Variants in MFHAS1 observed in about 807,000 individuals in gnomAD.
The protein encoded by MFHAS1 is multifunctional ROCO family signaling regulator 1.
Under a neutral mutation model 70.4 loss-of-function variants are expected in MFHAS1, and 50 were observed. The ratio of observed to expected loss-of-function variants is 0.71; its 90% confidence interval spans 0.57 to 0.90. The LOEUF (loss-of-function observed/expected upper bound fraction) is 0.90, where lower values mean the gene tolerates loss of function less well. Ranked by LOEUF, MFHAS1 falls within the 40% of genes least tolerant of loss-of-function variation. The pLI, the probability that MFHAS1 is intolerant of heterozygous loss-of-function variation, is 0.00. For synonymous variants in MFHAS1, 952 were observed against 620.0 expected (o/e 1.54, Z -7.96); for missense variants, 1,795 against 1,347.6 (o/e 1.33, Z -5.20).
At chr8:8,884,513 T>C (rs1323307643) in intron 1 of MFHAS1, among the ~76,000 whole-genome samples, 1 of 152,204 alleles carries the variant, frequency 6.6e-6, no homozygotes, top group African/African-American at 2.4e-5. Context: ...GTGGTCAAAA[T>C]GAAGGACCCA....
Position 8,883,725 on chromosome 8 carries a change from A to G in MFHAS1, c.2998+6336T>C, listed in dbSNP as rs181052445. On this transcript the variant is annotated intron_variant, in intron 1 of 2. Coordinates refer to ENST00000276282, the MANE Select transcript of MFHAS1 (RefSeq NM_004225.3). ...TCAGTCTCAAAAAAAAAAAAAAAAA[A>G]AAAAAAGAAAGGGCTCCCATGGATA... Among the ~76,000 whole-genome samples, 919 of 149,404 alleles carry G rather than the reference A, an allele frequency of 6.2e-3. 18 individuals carry two copies. Among genetic ancestry groups the G allele is most frequent in the African/African-American group, 0.021 (867 of 40,502 alleles).
chr8:8,796,146 T>C (rs181580243), intron 2 of MFHAS1, among the ~76,000 whole-genome samples: 2 of 152,302 alleles, frequency 1.3e-5, no homozygotes, highest in East Asian at 3.9e-4. Flanking sequence ...ATGAGTGTTA[T>C]CTAGAATAGT....
intron 1 of MFHAS1, among the ~76,000 whole-genome samples, chr8:8,861,512 A>G (rs922577784): frequency 1.3e-5 from 2 of 152,260 alleles, no homozygotes; most frequent in African/African-American, 4.8e-5. Context: ...TTAGTGTGAA[A>G]ACAGCATGTT....
At chr8:8,817,839 T>C (rs561216145) in intron 1 of MFHAS1, among the ~76,000 whole-genome samples, 18 of 152,322 alleles carry the variant, frequency 1.2e-4, no homozygotes, top group Admixed American at 1.0e-3. Flanking sequence ...CCTAATGTAA[T>C]GCTGCCGCTG....
intron 1 of MFHAS1, among the ~76,000 whole-genome samples, chr8:8,847,819 C>A (rs546063514): frequency 6.6e-6 from 1 of 152,292 alleles, no homozygotes; most frequent in Admixed American, 6.5e-5. Flanking sequence ...TCAATTCATT[C>A]ATTAAGGGAT....
intron 1 of MFHAS1, among the ~76,000 whole-genome samples, chr8:8,830,003 G>C (rs995773885): frequency 6.6e-6 from 1 of 152,156 alleles, no homozygotes; most frequent in Non-Finnish European, 1.5e-5. Flanking sequence ...GCAGGTCTGG[G>C]GTGTGGCCTG....
intron 1 of MFHAS1, among the ~76,000 whole-genome samples, chr8:8,809,003 C>G (rs1806444018): frequency 1.3e-5 from 2 of 152,164 alleles, no homozygotes; most frequent in African/African-American, 2.4e-5. Flanking sequence ...GGAGCTCCAT[C>G]TCCTGTCAGA....
chr8:8,869,491 C>G (rs1211496058), intron 1 of MFHAS1, among the ~76,000 whole-genome samples: 2 of 152,064 alleles, frequency 1.3e-5, no homozygotes, highest in African/African-American at 4.8e-5. Flanking sequence ...TTCTATGAGA[C>G]CCTTCCAAAT....
chr8:8,840,461 CA>C (rs141909980), intron 1 of MFHAS1, among the ~76,000 whole-genome samples: 8,748 of 81,980 alleles, frequency 0.11, 621 homozygotes, highest in African/African-American at 0.31. Flanking sequence ...CATCTCAATA[CA>C]AAAAAAAAAA....
intron 1 of MFHAS1, among the ~76,000 whole-genome samples, chr8:8,865,947 G>A (rs916774614): frequency 2.0e-5 from 3 of 152,168 alleles, no homozygotes; most frequent in South Asian, 4.1e-4. Flanking sequence ...TTGTTCAGGC[G>A]GCTTGGCCTA....
chr8:8,855,915 C>T (rs1941141917), intron 1 of MFHAS1, among the ~76,000 whole-genome samples: 2 of 152,148 alleles, frequency 1.3e-5, no homozygotes, highest in Admixed American at 1.3e-4. Flanking sequence ...AAGCAAGTTA[C>T]TGACAAGGTA....
intron 1 of MFHAS1, among the ~76,000 whole-genome samples, chr8:8,848,380 T>G: frequency 7.1e-6 from 1 of 141,172 alleles, no homozygotes; most frequent in African/African-American, 2.6e-5. Context: ...AAAGGGCCAG[T>G]CAGGCCTAAA....
chr8:8,842,626 G>A (rs1807875280), intron 1 of MFHAS1, among the ~76,000 whole-genome samples: 1 of 152,162 alleles, frequency 6.6e-6, no homozygotes, highest in South Asian at 2.1e-4. Flanking sequence ...TGCACCAGCA[G>A]CACCGGCATC....
intron 1 of MFHAS1, among the ~76,000 whole-genome samples, chr8:8,861,498 C>A (rs191332304): frequency 6.6e-6 from 1 of 152,070 alleles, no homozygotes; most frequent in Non-Finnish European, 1.5e-5. Flanking sequence ...AGGTATATAC[C>A]AAATTAGTGT....
intron 1 of MFHAS1, among the ~76,000 whole-genome samples, chr8:8,851,815 G>A (rs1808257757): frequency 6.6e-6 from 1 of 152,188 alleles, no homozygotes; most frequent in African/African-American, 2.4e-5. Flanking sequence ...TGGAAAAAGA[G>A]GAAGTTGTGA....
chr8:8,882,389 A>AAAACAAACAAAC (rs373389563), intron 1 of MFHAS1, among the ~76,000 whole-genome samples: 1 of 151,802 alleles, frequency 6.6e-6, no homozygotes, highest in African/African-American at 2.4e-5. Context: ...ACTCAGTCTC[A>AAAACAAACAAAC]AAACAAACAA....
intron 1 of MFHAS1, among the ~76,000 whole-genome samples, chr8:8,887,286 C>T (rs1458188959): frequency 6.6e-6 from 1 of 152,190 alleles, no homozygotes; most frequent in Non-Finnish European, 1.5e-5. Context: ...TCTGTTCCCA[C>T]ATTTAGCTTT....
At chr8:8,887,304 A>T (rs1809797411) in intron 1 of MFHAS1, among the ~76,000 whole-genome samples, 2 of 152,208 alleles carry the variant, frequency 1.3e-5, no homozygotes, top group Non-Finnish European at 2.9e-5. Flanking sequence ...TTTTATTTCT[A>T]ACTCATTATT....
chr8:8,862,801 G>A (rs928342008), intron 1 of MFHAS1, among the ~76,000 whole-genome samples: 5 of 152,156 alleles, frequency 3.3e-5, no homozygotes, highest in Non-Finnish European at 5.9e-5. Flanking sequence ...TACTAATGGA[G>A]GAGGCTGCGC....
Sources: allele counts gnomAD v4.1 joint callset (sites outside exome capture counted in the v4.1 genomes callset), GRCh38; gene constraint gnomAD v4.1.1; transcripts MANE v1.5; gene names NCBI Gene and HGNC (gene_info 2026-07-23, HGNC 2026-07-21).